PRUNE2: variants seen among roughly 807,000 people sequenced by gnomAD.
PRUNE2 encodes protein prune homolog 2.
Under a neutral mutation model 252.0 loss-of-function variants are expected in PRUNE2, and 164 were observed. That is an observed-to-expected ratio of 0.65 (90% CI 0.57 to 0.74). PRUNE2 has a LOEUF of 0.74. Ranked by LOEUF, PRUNE2 falls within the 30% of genes least tolerant of loss-of-function variation. PRUNE2 has a pLI of 0.00. For missense variants in PRUNE2, 3,495 were observed against 3,711.0 expected (o/e 0.94, Z 1.51); for synonymous variants, 1,292 against 1,350.2 (o/e 0.96, Z 0.94).
At chr9:76,624,568 G>T in intron 16 of PRUNE2, 78 bp from the exon 17 acceptor site, 1 of 1,056,140 alleles carries the variant, frequency 9.5e-7, no homozygotes, top group Non-Finnish European at 1.3e-6. Flanking sequence ...ACTCAGCAAA[G>T]CAGGGCCAAA....
chr9:76,645,042 A>G (rs1046798774), intron 11 of PRUNE2, 133 bp from the exon 12 acceptor site: 3 of 753,790 alleles, frequency 4.0e-6, no homozygotes, highest in Non-Finnish European at 6.4e-6. Context: ...TGCAGAAACA[A>G]CCTGATCAAA....
At chr9:76,759,893 C>A (rs1446357361) in intron 6 of PRUNE2, 1 of 152,342 alleles carries the variant, frequency 6.6e-6, no homozygotes, top group Non-Finnish European at 1.5e-5. Flanking sequence ...GCCCTGGCTC[C>A]TGCACCTGCC....
chr9:76,865,848 C>CACACACACACA (rs1554817363), intron 1 of PRUNE2, among the ~76,000 whole-genome samples: 1 of 142,216 alleles, frequency 7.0e-6, no homozygotes, highest in African/African-American at 3.0e-5. Flanking sequence ...CACACACACA[C>CACACACACACA]CAGAGCATTA....
chr9:76,657,188 G>A (rs1198134486), intron 9 of PRUNE2, among the ~76,000 whole-genome samples: 3 of 152,174 alleles, frequency 2.0e-5, no homozygotes, highest in Admixed American at 6.5e-5. Context: ...CAAACTTCTC[G>A]TACCTGTCAA....
At chr9:76,838,522 G>A (rs955775655) in intron 4 of PRUNE2, among the ~76,000 whole-genome samples, 6 of 151,806 alleles carry the variant, frequency 4.0e-5, no homozygotes, top group Non-Finnish European at 8.8e-5. Flanking sequence ...GCAGATGCCT[G>A]TAATCCCAGC....
At chr9:76,759,282 GCAGGGAGATA>G (rs2051461417) in intron 6 of PRUNE2, 1 of 152,242 alleles carries the variant, frequency 6.6e-6, no homozygotes, top group Admixed American at 6.5e-5. Context: ...CAAACAGGAA[GCAGGGAGATA>G]CTGGGTAGAA....
At chr9:76,875,655 T>C (rs978268177) in intron 1 of PRUNE2, among the ~76,000 whole-genome samples, 12 of 152,202 alleles carry the variant, frequency 7.9e-5, no homozygotes, top group East Asian at 1.9e-4. Flanking sequence ...TGAGCCACCA[T>C]GCCCAGCCGG....
Position 76,704,819 on chromosome 9 carries a change from C to G in PRUNE2, c.7455G>C (p.Trp2485Cys), listed in dbSNP as rs558933183. 3 of 1,588,282 alleles carry G rather than the reference C, an allele frequency of 1.9e-6. No homozygotes were observed. Among genetic ancestry groups the G allele is most frequent in the Admixed American group, 1.8e-5 (1 of 56,398 alleles). Reference sequence around the variant, plus strand: ...AATCAGAATTATCTGTTTCTACTTCCCAGTCAACGTTTGATGGAGACAAAA... The same window carrying G: ...AATCAGAATTATCTGTTTCTACTTCGCAGTCAACGTTTGATGGAGACAAAA... ...SNILSPSNVD[W>C]EVETDNSDLP... The change falls in exon 8 of 19, where the codon TGG becomes TGC. Residue 2485 changes from tryptophan to cysteine, a missense_variant. By Grantham distance (215) the Trp-to-Cys change is radical (BLOSUM62 -2). Coordinates refer to ENST00000376718, the MANE Select transcript of PRUNE2 (RefSeq NM_015225.3).
intron 5 of PRUNE2, among the ~76,000 whole-genome samples, chr9:76,825,335 G>A (rs1009696217): frequency 1.2e-4 from 19 of 152,142 alleles, no homozygotes; most frequent in Non-Finnish European, 2.8e-4. Context: ...CTGGAGCCGA[G>A]ATGAGCACAC....
At chr9:76,807,051 T>TGTGCGCGCGCGC (rs60768420) in intron 6 of PRUNE2, among the ~76,000 whole-genome samples, 3 of 139,338 alleles carry the variant, frequency 2.2e-5, no homozygotes, top group African/African-American at 8.3e-5. Context: ...TGTGTGTGTG[T>TGTGCGCGCGCGC]GCGCGCGCGC....
Position 76,837,444 on chromosome 9 carries a change from TAATAA to T in PRUNE2, c.508+9066_508+9070del, listed in dbSNP as rs1211146834. ...CGACACAGTGAGACTCTGTCTCAAATAATAATAATAATAATAATAATAATAATAAT... is the reference window on the plus strand; with the variant it reads ...CGACACAGTGAGACTCTGTCTCAAATTAATAATAATAATAATAATAATAAT... On this transcript the variant is annotated intron_variant, in intron 4 of 18. Coordinates refer to ENST00000376718, the MANE Select transcript of PRUNE2 (RefSeq NM_015225.3). 3.9e-4 allele frequency among the ~76,000 whole-genome samples: 44 copies of T among 112,634 alleles called. 1 individual carries two copies. The East Asian group carries it at 9.3e-3, about 24-fold the overall frequency. 73.9% of individuals were successfully genotyped at this position (112,634 alleles called of 152,430 possible). A position where few individuals can be genotyped will look rare whatever the true frequency, so the allele number is the denominator to read the frequency against.
chr9:76,693,548 A>G (rs2045041014), intron 9 of PRUNE2, among the ~76,000 whole-genome samples: 1 of 146,814 alleles, frequency 6.8e-6, no homozygotes, highest in South Asian at 2.1e-4. Context: ...GGTTCAATCG[A>G]TTCTCCTGCC....
Position 76,701,867 on chromosome 9 carries a change from A to G in PRUNE2, c.8276+1470T>C, listed in dbSNP as rs1424517903. Among the ~76,000 whole-genome samples, 3 of 152,164 alleles carry G rather than the reference A, an allele frequency of 2.0e-5. No homozygotes were observed. In the East Asian group the frequency reaches 5.8e-4, roughly 29 times the overall value. ...TTAAGTTCCCAGAATTTAATACTGC[A>G]GGAAGCCTTGAGATCTTTCAGCCCA... is the stretch of plus-strand genomic sequence containing the variant. On this transcript the variant is annotated intron_variant, in intron 9 of 18. Transcript: ENST00000376718.
Position 76,705,202 on chromosome 9 carries a change from C to A in PRUNE2, c.7072G>T (p.Gly2358Cys), listed in dbSNP as rs755714628. The change falls in exon 8 of 19, where the codon GGC (glycine) becomes TGC (cysteine). Residue 2358 changes from glycine to cysteine, a missense_variant. Physicochemically the swap from Gly to Cys is radical, Grantham distance 159. Coordinates refer to ENST00000376718, the MANE Select transcript of PRUNE2 (RefSeq NM_015225.3). ...SWGDFEYDVM[G>C]QNIDEDLLRE... ...AGTAAATCTTCATCGATATTCTGGC[C>A]CATTACATCATATTCAAAATCACCC... is the stretch of plus-strand genomic sequence containing the variant. 7 of 1,613,970 alleles carry A rather than the reference C, an allele frequency of 4.3e-6. No homozygotes were observed. Among genetic ancestry groups the A allele is most frequent in the Non-Finnish European group, 5.9e-6 (7 of 1,179,894 alleles).
In PRUNE2 at chr9:76,711,034, G is replaced by A; in HGVS notation, c.1240C>T (p.Gln414Ter). ...TCTACATTGGCATCCACCTGAGCCT[G>A]GTTAGAATCATTGAGATCTGGAGGG... is the stretch of plus-strand genomic sequence containing the variant. The part of the protein sequence containing the change: ...ENPPDLNDSN[Q>*]AQVDANVDLV... The change falls in exon 8 of 19, where the codon CAG becomes TAG. Residue 414 changes from glutamine to a stop codon, truncating the protein, a stop_gained. Coordinates refer to ENST00000376718, the MANE Select transcript of PRUNE2 (RefSeq NM_015225.3). LOFTEE classifies it high-confidence loss of function. 6.2e-7 allele frequency: 1 copy of A among 1,613,994 alleles called. No individual in the cohort carries two copies. The highest frequency in any genetic ancestry group is 1.7e-5 in the Admixed American group (1 of 60,020).
Position 76,850,505 on chromosome 9 carries a change from C to T in PRUNE2, c.302G>A (p.Gly101Glu). ...EINLHQLNDE[G>E]KLSITLVGSS... The stretch of plus-strand genomic sequence containing the variant: ...GCCAACAAGTGTTATCGATAACTTC[C>T]CTTCATCATTTAGCTGATGCAGGTT... Residue 101 changes from glycine (G) to glutamate (E), a missense_variant, in exon 3 of 19, where the codon GGG becomes GAG. Coordinates refer to ENST00000376718, the MANE Select transcript of PRUNE2 (RefSeq NM_015225.3). 1.2e-5 allele frequency: 19 copies of T among 1,614,062 alleles called. No homozygotes were observed. Among genetic ancestry groups the T allele is most frequent in the Non-Finnish European group, 1.5e-5 (18 of 1,179,986 alleles).
chr9:76,739,077 AAG>A (rs2049333673), intron 6 of PRUNE2: 1 of 152,234 alleles, frequency 6.6e-6, no homozygotes, highest in Non-Finnish European at 1.5e-5. Flanking sequence ...CTAAGAGCTT[AAG>A]GGCCTCAACC....
At chr9:76,800,020 G>T (rs2131550282) in intron 6 of PRUNE2, among the ~76,000 whole-genome samples, 1 of 152,136 alleles carries the variant, frequency 6.6e-6, no homozygotes, top group Non-Finnish European at 1.5e-5. Context: ...AGAGACCAAA[G>T]ACCCCAGATG....
chr9:76,745,577 A>G, intron 6 of PRUNE2, among the ~76,000 whole-genome samples: 1 of 151,942 alleles, frequency 6.6e-6, no homozygotes, highest in East Asian at 1.9e-4. Flanking sequence ...CCCCCAACCA[A>G]TCAGTAGCAA....
Sources: gnomAD v4.1 joint callset for allele counts (sites outside exome capture counted in the v4.1 genomes callset) on GRCh38, gnomAD v4.1.1 for gene constraint, MANE v1.5 for transcripts, NCBI Gene and HGNC (gene_info 2026-07-23, HGNC 2026-07-21) for gene names.